The following CHCHD6 variants were observed in gnomAD, a reference collection of about 807,000 sequenced individuals.
CHCHD6 encodes MICOS complex subunit MIC25.
In CHCHD6, 28 loss-of-function variants were observed where a neutral mutation model predicts 32.3. The observed-to-expected ratio is 0.87, with a 90% confidence interval of 0.64 to 1.19. The LOEUF (loss-of-function observed/expected upper bound fraction) is 1.19. Ranked by LOEUF, CHCHD6 falls within the 50% of genes most tolerant of loss-of-function variation. The pLI, the probability that CHCHD6 is intolerant of heterozygous loss-of-function variation, is 0.00. For missense variants in CHCHD6, 333 were observed against 307.0 expected, an observed-to-expected ratio of 1.08 and a Z score of -0.63; for synonymous variants, 122 against 117.5, an observed-to-expected ratio of 1.04 and a Z score of -0.25.
At chr3:126,782,812 G>C (rs1272346468) in intron 4 of CHCHD6, among the ~76,000 whole-genome samples, 1 of 152,160 alleles carries the variant, frequency 6.6e-6, no homozygotes, top group Non-Finnish European at 1.5e-5. Flanking sequence ...CACATTGTGG[G>C]AGGAAACAGT....
At chr3:126,767,544 C>G (rs1178237701) in intron 4 of CHCHD6, 3 of 463,654 alleles carry the variant, frequency 6.5e-6, no homozygotes, top group Admixed American at 7.2e-5. Flanking sequence ...CACCAGGCAC[C>G]TGTGTGTTGT....
At chr3:126,739,928 C>G (rs1421813797) in intron 4 of CHCHD6, among the ~76,000 whole-genome samples, 1 of 152,164 alleles carries the variant, frequency 6.6e-6, no homozygotes, top group African/African-American at 2.4e-5. Context: ...TTGATTGGTG[C>G]TGGTCATCAT....
chr3:126,810,638 G>A (rs1576445172), intron 4 of CHCHD6, among the ~76,000 whole-genome samples: 1 of 152,310 alleles, frequency 6.6e-6, no homozygotes, highest in Admixed American at 6.5e-5. Context: ...AGTAAAGTGG[G>A]TTTTTTAGTT....
At chr3:126,875,306 G>A (rs1026425880) in intron 5 of CHCHD6, among the ~76,000 whole-genome samples, 3 of 152,260 alleles carry the variant, frequency 2.0e-5, no homozygotes, top group African/African-American at 7.2e-5. Flanking sequence ...GTCCAGCAGG[G>A]TGCTGGCCAC....
At position 126,947,036 on chromosome 3, in the gene CHCHD6, G is replaced by A. The variant is rs73209652; in HGVS notation, c.567-10380G>A. On this transcript the variant is annotated intron_variant, in intron 6 of 7. Transcript: ENST00000290913. ...TTTGGGGCCACACGTGTGAGCAGGC[G>A]CTGGGCGCGCTCCACAGGAGAAAGA... Among the ~76,000 whole-genome samples, 1,108 of 152,354 alleles carry A rather than the reference G, an allele frequency of 7.3e-3. 7 individuals carry two copies. The highest frequency in any genetic ancestry group is 0.012 in the Non-Finnish European group (815 of 68,034).
intron 1 of CHCHD6, among the ~76,000 whole-genome samples, chr3:126,707,612 C>T (rs1394979636): frequency 6.6e-6 from 1 of 152,190 alleles, no homozygotes; most frequent in Non-Finnish European, 1.5e-5. Context: ...GCTCACTGTT[C>T]ACCAGCCTTT....
intron 4 of CHCHD6, among the ~76,000 whole-genome samples, chr3:126,747,152 G>A (rs942494171): frequency 1.3e-5 from 2 of 152,076 alleles, no homozygotes; most frequent in Non-Finnish European, 2.9e-5. Flanking sequence ...TCTTCATCTC[G>A]TCTCCTTTCT....
chr3:126,942,919 G>A (rs2078581502), intron 6 of CHCHD6, among the ~76,000 whole-genome samples: 3 of 152,094 alleles, frequency 2.0e-5, no homozygotes, highest in South Asian at 2.1e-4. Context: ...TGTGTGGGGG[G>A]GAGTATTTCA....
intron 1 of CHCHD6, among the ~76,000 whole-genome samples, chr3:126,705,932 T>G (rs1934465088): frequency 6.6e-6 from 1 of 152,240 alleles, no homozygotes; most frequent in Admixed American, 6.5e-5. Context: ...GAGGCCTCTC[T>G]TCTTAGCCTA....
intron 4 of CHCHD6, among the ~76,000 whole-genome samples, chr3:126,775,917 A>G (rs67702765): frequency 0.17 from 26,318 of 152,104 alleles, 2,472 homozygotes; most frequent in Middle Eastern, 0.31. Context: ...TTCCTGTAGC[A>G]CTCCCTATTG....
At chr3:126,865,735 T>G in intron 5 of CHCHD6, 4 of 985,188 alleles carry the variant, frequency 4.1e-6, no homozygotes, top group Non-Finnish European at 4.8e-6. Context: ...GCATACTGCT[T>G]CTGGTATGTT....
At chr3:126,871,877 G>A (rs2077477497) in intron 5 of CHCHD6, among the ~76,000 whole-genome samples, 1 of 151,946 alleles carries the variant, frequency 6.6e-6, no homozygotes, top group Non-Finnish European at 1.5e-5. Flanking sequence ...GTGTTAACCA[G>A]GATGGTCTCA....
intron 4 of CHCHD6, among the ~76,000 whole-genome samples, chr3:126,770,494 A>G (rs1937524205): frequency 6.6e-6 from 1 of 152,216 alleles, no homozygotes; most frequent in Admixed American, 6.5e-5. Context: ...ATTTTCAAGT[A>G]TGCTCCTTCA....
intron 1 of CHCHD6, among the ~76,000 whole-genome samples, chr3:126,721,639 T>C (rs1935299462): frequency 6.6e-6 from 1 of 152,106 alleles, no homozygotes; most frequent in African/African-American, 2.4e-5. Flanking sequence ...GATTTAATAG[T>C]TTTTAGTGTA....
intron 4 of CHCHD6, among the ~76,000 whole-genome samples, chr3:126,817,976 C>A (rs1259603861): frequency 6.6e-6 from 1 of 152,218 alleles, no homozygotes; most frequent in East Asian, 1.9e-4. Flanking sequence ...TGGCCACTAC[C>A]CAGCTGTCTT....
At chr3:126,773,552 G>T (rs992482349) in intron 4 of CHCHD6, among the ~76,000 whole-genome samples, 1 of 150,684 alleles carries the variant, frequency 6.6e-6, no homozygotes, top group Non-Finnish European at 1.5e-5. Context: ...TTAAACTTTG[G>T]ACTATTTTTC....
chr3:126,762,175 C>T (rs1937184575), intron 4 of CHCHD6, among the ~76,000 whole-genome samples: 2 of 151,856 alleles, frequency 1.3e-5, no homozygotes, highest in Admixed American at 6.6e-5. Flanking sequence ...TTATTATTTC[C>T]TTCCTTTTGC....
At chr3:126,780,101 C>A (rs937029925) in intron 4 of CHCHD6, among the ~76,000 whole-genome samples, 4 of 152,160 alleles carry the variant, frequency 2.6e-5, no homozygotes, top group Non-Finnish European at 4.4e-5. Context: ...ATTTAAAAAA[C>A]AAAGTCTCAG....
intron 4 of CHCHD6, among the ~76,000 whole-genome samples, chr3:126,828,567 C>G (rs1203730435): frequency 1.3e-5 from 2 of 152,214 alleles, no homozygotes; most frequent in African/African-American, 4.8e-5. Flanking sequence ...CAGGCCCGTC[C>G]TGTCGGATGG....
Sources: gnomAD v4.1 joint callset for allele counts (sites outside exome capture counted in the v4.1 genomes callset) on GRCh38, gnomAD v4.1.1 for gene constraint, MANE v1.5 for transcripts, NCBI Gene and HGNC (gene_info 2026-07-23, HGNC 2026-07-21) for gene names.